The following MYRFL variants were observed in gnomAD, a reference collection of about 807,000 sequenced individuals.
MYRFL encodes the protein myelin regulatory factor-like protein.
MYRFL carries 88 observed loss-of-function variants against 109.4 expected under a neutral mutation model. The observed-to-expected ratio is 0.80, with a 90% CI of 0.68 to 0.96. MYRFL has a LOEUF of 0.96. Among genes scored for constraint, MYRFL ranks in the 40% least tolerant of loss-of-function variants. MYRFL has a pLI of 0.00. For missense variants in MYRFL, 957 were observed against 954.9 expected (o/e 1.00, Z -0.03); for synonymous variants, 324 against 320.9 (o/e 1.01, Z -0.10).
intron 19 of MYRFL, chr12:69,946,992 C>G (rs1955856523): frequency 6.6e-6 from 1 of 152,334 alleles, no homozygotes; most frequent in African/African-American, 2.4e-5. Flanking sequence ...TTGCAATGTC[C>G]CTGATGTGGG....
At chr12:69,886,792 A>G in intron 5 of MYRFL, 28 bp from the exon 6 acceptor site, 1 of 1,534,772 alleles carries the variant, frequency 6.5e-7, no homozygotes, top group Non-Finnish European at 8.7e-7. Flanking sequence ...CCTGGAAGGA[A>G]GGCTCTGACG....
intron 11 of MYRFL, among the ~76,000 whole-genome samples, chr12:69,908,425 A>G (rs1312029998): frequency 6.6e-6 from 1 of 152,178 alleles, no homozygotes; most frequent in Non-Finnish European, 1.5e-5. Flanking sequence ...CAATGCTTAC[A>G]TTGGTGAAGG....
At chr12:69,954,224 C>T (rs966154468) in intron 21 of MYRFL, among the ~76,000 whole-genome samples, 1 of 151,894 alleles carries the variant, frequency 6.6e-6, no homozygotes, top group Non-Finnish European at 1.5e-5. Context: ...GTTTATTCTC[C>T]CCAAATACCA....
chr12:69,886,290 A>T (rs372303026), intron 5 of MYRFL, among the ~76,000 whole-genome samples: 1 of 152,090 alleles, frequency 6.6e-6, no homozygotes, highest in Non-Finnish European at 1.5e-5. Context: ...TCATTCCCAG[A>T]TGGGCTTTTC....
chr12:69,915,326 C>T (rs1258067978), intron 13 of MYRFL, among the ~76,000 whole-genome samples: 13 of 152,146 alleles, frequency 8.5e-5, no homozygotes, highest in Admixed American at 6.5e-4. Context: ...AAGGTACAGC[C>T]TCTCCATTCT....
chr12:69,944,814 G>T (rs1433473385), intron 19 of MYRFL, among the ~76,000 whole-genome samples: 7 of 152,090 alleles, frequency 4.6e-5, no homozygotes, highest in African/African-American at 1.7e-4. Context: ...CCACCAAGGC[G>T]TGTGTATACC....
At chr12:69,860,696 A>G (rs1884596532) in intron 2 of MYRFL, among the ~76,000 whole-genome samples, 1 of 151,356 alleles carries the variant, frequency 6.6e-6, no homozygotes, top group Admixed American at 6.6e-5. Flanking sequence ...ATCTTAATAT[A>G]TTGATTGCCT....
chr12:69,936,340 A>T lies in MYRFL; in HGVS notation c.2044+5A>T. 6.5e-7 allele frequency: 1 copy of T among 1,535,926 alleles called. No individual in the cohort carries two copies. The highest frequency in any genetic ancestry group is 8.7e-7 in the Non-Finnish European group (1 of 1,146,862). On this transcript the variant is annotated splice_donor_5th_base_variant and intron_variant, in intron 18 of 24. Coordinates refer to ENST00000552032, the MANE Select transcript of MYRFL (RefSeq NM_182530.3). ...TGCCCACAGCCTCCTCCTCAGGTAA[A>T]GGCTTCACATTCCTCACCCTCAAAC...
intron 6 of MYRFL, among the ~76,000 whole-genome samples, chr12:69,889,174 G>A (rs1886639631): frequency 6.6e-6 from 1 of 151,836 alleles, no homozygotes; most frequent in Non-Finnish European, 1.5e-5. Context: ...CAGTAGTAGA[G>A]CAGTGAGTAA....
chr12:69,898,575 G>C (rs1195866404), intron 10 of MYRFL, among the ~76,000 whole-genome samples: 3 of 152,220 alleles, frequency 2.0e-5, no homozygotes, highest in Non-Finnish European at 2.9e-5. Flanking sequence ...TTGCCTTGCT[G>C]TGCTGACAAA....
chr12:69,863,091 G>A lies in MYRFL; in HGVS notation c.137+7721G>A, dbSNP rs1268648285. On this transcript the variant is annotated intron_variant, in intron 2 of 24. Coordinates refer to ENST00000552032, the MANE Select transcript of MYRFL (RefSeq NM_182530.3). ...ATATTGAACCAGCCTTGCATCCCAG[G>A]GATGAAGCCCACTTGATCATGGTGG... Among the ~76,000 whole-genome samples, 75 of 151,928 alleles carry A rather than the reference G, an allele frequency of 4.9e-4. 1 individual carries two copies. The highest frequency in any genetic ancestry group is 1.5e-3 in the African/African-American group (64 of 41,416).
chr12:69,939,903 C>A (rs1464052689), intron 19 of MYRFL, among the ~76,000 whole-genome samples: 1 of 152,048 alleles, frequency 6.6e-6, no homozygotes, highest in Non-Finnish European at 1.5e-5. Flanking sequence ...AATGCAGAAG[C>A]CTCAGGAGCC....
chr12:69,926,932 G>GTTTTTTTTTTTTTTTTTTTTT lies in MYRFL; in HGVS notation c.1766+198_1766+199insTTTTTTTTTTTTTTTTTTTTT, dbSNP rs1336716063. Among the ~76,000 whole-genome samples the GTTTTTTTTTTTTTTTTTTTTT allele has an allele frequency of 4.7e-4, 36 of 76,850 alleles. 13 individuals are homozygous for GTTTTTTTTTTTTTTTTTTTTT. Among genetic ancestry groups the GTTTTTTTTTTTTTTTTTTTTT allele is most frequent in the Non-Finnish European group, 6.4e-4 (25 of 39,078 alleles). The allele number at this position is 76,850 out of a possible 152,430, so 50.4% of individuals were successfully genotyped here. On this transcript the variant is annotated intron_variant, in intron 14 of 24. Transcript: ENST00000552032. The stretch of plus-strand genomic sequence containing the variant: ...ACTTTCTTAGTTTTTTTCTGTTGCT[G>GTTTTTTTTTTTTTTTTTTTTT]GTTTTTTTTTTTTTTTTTTTTTTTT...
intron 13 of MYRFL, among the ~76,000 whole-genome samples, chr12:69,925,179 G>A (rs916301901): frequency 1.1e-4 from 16 of 152,262 alleles, no homozygotes; most frequent in African/African-American, 3.9e-4. Flanking sequence ...TGGCCTTGAG[G>A]AAAGGCATTT....
intron 7 of MYRFL, among the ~76,000 whole-genome samples, chr12:69,891,958 T>C (rs2136339495): frequency 6.6e-6 from 1 of 152,172 alleles, no homozygotes; most frequent in Middle Eastern, 3.4e-3. Flanking sequence ...ATAACAGGCA[T>C]GAGCTACCAT....
At chr12:69,902,428 C>A (rs571138100) in intron 10 of MYRFL, among the ~76,000 whole-genome samples, 1 of 152,186 alleles carries the variant, frequency 6.6e-6, no homozygotes, top group African/African-American at 2.4e-5. Flanking sequence ...GAATCTCCCT[C>A]CTACCACTGT....
At chr12:69,896,808 C>A (rs1427525077) in intron 9 of MYRFL, among the ~76,000 whole-genome samples, 2 of 152,220 alleles carry the variant, frequency 1.3e-5, no homozygotes, top group Non-Finnish European at 2.9e-5. Context: ...GGGCTCAGGA[C>A]TGCAGCGTAG....
intron 11 of MYRFL, among the ~76,000 whole-genome samples, chr12:69,907,629 T>C (rs896111562): frequency 1.3e-5 from 2 of 152,200 alleles, no homozygotes; most frequent in Admixed American, 1.3e-4. Context: ...ATTCTCTTCA[T>C]GTCAGGGATT....
At chr12:69,955,572 G>A (rs1369803041) in intron 22 of MYRFL, 135 bp downstream of exon 22, 1 of 476,194 alleles carries the variant, frequency 2.1e-6, no homozygotes, top group Non-Finnish European at 3.7e-6. Context: ...TGGTTTGAGA[G>A]GTGGCCTATT....
Sources: gnomAD v4.1 joint callset for allele counts (sites outside exome capture counted in the v4.1 genomes callset) on GRCh38, gnomAD v4.1.1 for gene constraint, MANE v1.5 for transcripts, NCBI Gene and HGNC (gene_info 2026-07-23, HGNC 2026-07-21) for gene names.